Variants in NOTCH2NLR observed in about 807,000 individuals in gnomAD.
NOTCH2NLR encodes the protein notch 2 N-terminal like R (pseudogene).
NOTCH2NLR carries 33 observed loss-of-function variants against 35.6 expected under a neutral mutation model. The ratio of observed to expected loss-of-function variants is 0.93; its 90% confidence interval spans 0.70 to 1.24. NOTCH2NLR has a LOEUF of 1.24. NOTCH2NLR is among the 50% of genes most tolerant of loss of function. NOTCH2NLR has a pLI of 0.00. For synonymous variants in NOTCH2NLR, 103 were observed against 141.0 expected, an observed-to-expected ratio of 0.73 and a Z score of 1.91; for missense variants, 276 against 362.2, an observed-to-expected ratio of 0.76 and a Z score of 1.93.
In NOTCH2NLR at chr1:120,723,958, G is replaced by A. The variant is rs1379616685; in HGVS notation, c.-220G>A. The A allele has an allele frequency of 3.5e-6, 3 of 846,422 alleles. No homozygotes were observed. The East Asian group carries it at 1.0e-4, about 29-fold the overall frequency. 52.4% of individuals were successfully genotyped at this position (846,422 alleles called of 1,614,324 possible). Reference sequence around the variant, plus strand: ...CGAGAAAGTTTCAGCCAAACTTCCGGCGGCGGCTGAGGCGGCGGCCGAGGA... The same window carrying A: ...CGAGAAAGTTTCAGCCAAACTTCCGACGGCGGCTGAGGCGGCGGCCGAGGA... On this transcript the variant is annotated 5_prime_UTR_variant, in exon 1 of 5. Coordinates refer to ENST00000624419, the Ensembl canonical transcript of NOTCH2NLR.
rs1419462376 is a variant in NOTCH2NLR at position 120,790,698 on chromosome 1, C to T, written c.416-2463C>T. 9.0e-5 allele frequency among the ~76,000 whole-genome samples: 10 copies of T among 110,888 alleles called. 4 individuals are homozygous for T. Among genetic ancestry groups the T allele is most frequent in the South Asian group, 5.3e-4 (2 of 3,762 alleles). 72.7% of individuals were successfully genotyped at this position (110,888 alleles called of 152,430 possible). A position where few individuals can be genotyped will look rare whatever the true frequency, so the allele number is the denominator to read the frequency against. On this transcript the variant is annotated intron_variant, in intron 3 of 4. Coordinates refer to ENST00000624419, the Ensembl canonical transcript of NOTCH2NLR. ...CACTGCAACCTCCACCTCTTGGGTT[C>T]GAGTGATTCTTGTGCCTCAGCCTCC...
At position 120,790,168 on chromosome 1, in the gene NOTCH2NLR, G is replaced by A. The variant is rs1383230259; in HGVS notation, c.416-2993G>A. On this transcript the variant is annotated intron_variant, in intron 3 of 4. Coordinates refer to ENST00000624419, the Ensembl canonical transcript of NOTCH2NLR. ...GTAGCTGGGACTACAGGCACCTACC[G>A]CCATGCCCGGCTAATTTTTGTATTT... 1.6e-4 allele frequency among the ~76,000 whole-genome samples: 16 copies of A among 101,088 alleles called. 3 individuals carry two copies. The highest frequency in any genetic ancestry group is 8.7e-4 in the South Asian group (3 of 3,456). 66.3% of individuals were successfully genotyped at this position (101,088 alleles called of 152,430 possible). A position where few individuals can be genotyped will look rare whatever the true frequency, so the allele number is the denominator to read the frequency against.
rs1313512721 is a variant in NOTCH2NLR at position 120,784,103 on chromosome 1, A to G, written c.156-871A>G. Among the ~76,000 whole-genome samples the G allele has an allele frequency of 9.3e-5, 11 of 118,080 alleles. 2 individuals carry two copies. In the Middle Eastern group the frequency reaches 0.012, roughly 125 times the overall value. 77.5% of individuals were successfully genotyped at this position (118,080 alleles called of 152,430 possible). Reference sequence around the variant, plus strand: ...GTGAAACAATAATTTGGAAAGGTAAATGGGACCTCATGAAAGTGTGGGTTA... The same window carrying G: ...GTGAAACAATAATTTGGAAAGGTAAGTGGGACCTCATGAAAGTGTGGGTTA... On this transcript the variant is annotated intron_variant, in intron 2 of 4. Coordinates refer to ENST00000624419, the Ensembl canonical transcript of NOTCH2NLR.
rs1322156122 is a variant in NOTCH2NLR, at chr1:120,724,021, A to G, written c.-157A>G. 453 of 1,236,994 alleles carry G rather than the reference A, an allele frequency of 3.7e-4. 72 individuals carry two copies. In the Middle Eastern group the frequency reaches 5.8e-3, roughly 16 times the overall value. 76.6% of individuals were successfully genotyped at this position (1,236,994 alleles called of 1,614,324 possible). ...GGGCGCGGGGAGTCGAGGCATTTGC[A>G]CCTGGGCTTCGGAGCGTAGCGCCAG... On this transcript the variant is annotated 5_prime_UTR_variant, in exon 1 of 5. Transcript: ENST00000624419.
intron 2 of NOTCH2NLR, among the ~76,000 whole-genome samples, chr1:120,778,789 CA>C (rs1651330416): frequency 1.4e-5 from 1 of 71,926 alleles, no homozygotes. Context: ...GGAGCTGACA[CA>C]AGCTGCTACA....
At chr1:120,726,307 C>T (rs1435127549) in intron 1 of NOTCH2NLR, among the ~76,000 whole-genome samples, 3,599 of 29,054 alleles carry the variant, frequency 0.12, 1,462 homozygotes, top group Middle Eastern at 0.22. Context: ...TCTTTAGATG[C>T]TAAACTAATG....
rs1351809735 is a variant in NOTCH2NLR at position 120,791,485 on chromosome 1, A to G, written c.416-1676A>G. Among the ~76,000 whole-genome samples the G allele has an allele frequency of 2.2e-5, 2 of 92,826 alleles. 1 individual carries two copies. Among genetic ancestry groups the G allele is most frequent in the Non-Finnish European group, 3.9e-5 (2 of 51,316 alleles). The allele number at this position is 92,826 out of a possible 152,430, so 60.9% of individuals were successfully genotyped here. ...TTCAGCCATAAAAAAGGATGAGTTCATGTCCTTTGTAGGGACATGGATGAA... is the reference window on the plus strand; with the variant it reads ...TTCAGCCATAAAAAAGGATGAGTTCGTGTCCTTTGTAGGGACATGGATGAA... On this transcript the variant is annotated intron_variant, in intron 3 of 4. Coordinates refer to ENST00000624419, the Ensembl canonical transcript of NOTCH2NLR.
At chr1:120,779,445 A>T (rs1470426068) in intron 2 of NOTCH2NLR, among the ~76,000 whole-genome samples, 1 of 115,048 alleles carries the variant, frequency 8.7e-6, no homozygotes, top group Non-Finnish European at 1.7e-5. Flanking sequence ...TCATCTGCGA[A>T]GTATGTTCTT....
Position 120,756,461 on chromosome 1 carries a change from C to T in NOTCH2NLR, c.74-7167C>T, listed in dbSNP as rs1374803572. Among the ~76,000 whole-genome samples the T allele has an allele frequency of 5.1e-5, 6 of 117,384 alleles. 2 individuals carry two copies. The highest frequency in any genetic ancestry group is 9.8e-5 in the Non-Finnish European group (6 of 61,188). 77.0% of individuals were successfully genotyped at this position (117,384 alleles called of 152,430 possible). A position where few individuals can be genotyped will look rare whatever the true frequency, so the allele number is the denominator to read the frequency against. On this transcript the variant is annotated intron_variant, in intron 1 of 4. Coordinates refer to ENST00000624419, the Ensembl canonical transcript of NOTCH2NLR. ...GACGTTAAAATACCTTCCGATTGAG[C>T]AGTGGGTCTAAGCACAGATACCACA...
intron 1 of NOTCH2NLR, among the ~76,000 whole-genome samples, chr1:120,729,732 A>G (rs1650855981): frequency 8.5e-6 from 1 of 117,170 alleles, no homozygotes; most frequent in African/African-American, 5.0e-5. Context: ...TGATAAGAAT[A>G]GCTCAGGTGT....
At chr1:120,745,815 C>CAA (rs1357711195) in intron 1 of NOTCH2NLR, among the ~76,000 whole-genome samples, 7 of 15,502 alleles carry the variant, frequency 4.5e-4, no homozygotes, top group Non-Finnish European at 6.1e-4. Context: ...GACTGCATCT[C>CAA]AAAAAAAAAA....
intron 2 of NOTCH2NLR, among the ~76,000 whole-genome samples, chr1:120,770,795 T>C (rs1211396570): frequency 8.5e-6 from 1 of 117,204 alleles, no homozygotes; most frequent in Non-Finnish European, 1.6e-5. Flanking sequence ...AAGTTGGTAG[T>C]TCAAATGGAA....
chr1:120,770,329 C>T (rs1292452104), intron 2 of NOTCH2NLR, among the ~76,000 whole-genome samples: 2 of 107,950 alleles, frequency 1.9e-5, no homozygotes, highest in Non-Finnish European at 3.5e-5. Context: ...GCCACCACGC[C>T]CGGCTAATTT....
At chr1:120,724,672 G>C (rs1650797658) in intron 1 of NOTCH2NLR, among the ~76,000 whole-genome samples, 1 of 124,230 alleles carries the variant, frequency 8.0e-6, no homozygotes, top group South Asian at 2.4e-4. Flanking sequence ...GAGAGCGGGG[G>C]CAGGGCCGCC....
chr1:120,791,475 G>A (rs1213240028), intron 3 of NOTCH2NLR, among the ~76,000 whole-genome samples: 1 of 96,500 alleles, frequency 1.0e-5, no homozygotes, highest in Non-Finnish European at 1.9e-5. Context: ...CCATAAAAAA[G>A]GATGAGTTCA....
chr1:120,767,748 C>T (rs1267829229), intron 2 of NOTCH2NLR, among the ~76,000 whole-genome samples: 1 of 115,776 alleles, frequency 8.6e-6, no homozygotes, highest in African/African-American at 5.1e-5. Flanking sequence ...TTGCTTCAGA[C>T]TTTCAAATAT....
chr1:120,752,568 T>A (rs1651034981), intron 1 of NOTCH2NLR, among the ~76,000 whole-genome samples: 2 of 28,876 alleles, frequency 6.9e-5, no homozygotes, highest in Non-Finnish European at 5.5e-5. Context: ...TTTTTTTTTT[T>A]TTTTTTCTTT....
At position 120,770,448 on chromosome 1, in the gene NOTCH2NLR, C is replaced by T. The variant is rs1176229491; in HGVS notation, c.155+6739C>T. 2.7e-5 allele frequency among the ~76,000 whole-genome samples: 3 copies of T among 112,616 alleles called. 1 individual carries two copies. Among genetic ancestry groups the T allele is most frequent in the Admixed American group, 8.3e-5 (1 of 12,032 alleles). 73.9% of individuals were successfully genotyped at this position (112,616 alleles called of 152,430 possible). On this transcript the variant is annotated intron_variant, in intron 2 of 4. Coordinates refer to ENST00000624419, the Ensembl canonical transcript of NOTCH2NLR. ...CCTCCCAAAGTGCTGGGATTACAGG[C>T]GTGAGCCACCACACCCAGCCGAGGA... is the stretch of plus-strand genomic sequence containing the variant.
chr1:120,784,254 T>C lies in NOTCH2NLR; in HGVS notation c.156-720T>C, dbSNP rs1334728922. Among the ~76,000 whole-genome samples, 8 of 118,764 alleles carry C rather than the reference T, an allele frequency of 6.7e-5. 3 individuals are homozygous for C. Among genetic ancestry groups the C allele is most frequent in the African/African-American group, 3.9e-4 (8 of 20,722 alleles). 77.9% of individuals were successfully genotyped at this position (118,764 alleles called of 152,430 possible). On this transcript the variant is annotated intron_variant, in intron 2 of 4. Coordinates refer to ENST00000624419, the Ensembl canonical transcript of NOTCH2NLR. The stretch of plus-strand genomic sequence containing the variant: ...GGTCTAGTTTCACATAAAGCAAATA[T>C]ATGGTTCTGTACACCGGCTTTAGGA...
Sources: allele counts gnomAD v4.1 joint callset (sites outside exome capture counted in the v4.1 genomes callset), GRCh38; gene constraint gnomAD v4.1.1; transcripts MANE v1.5; gene names NCBI Gene and HGNC (gene_info 2026-07-23, HGNC 2026-07-21).